Variants in SMYD3 observed in about 807,000 individuals in gnomAD.
The protein encoded by SMYD3 is histone-lysine N-methyltransferase SMYD3.
A neutral mutation model predicts 57.7 loss-of-function variants in SMYD3; 36 were observed. The ratio of observed to expected loss-of-function variants is 0.62; its 90% CI spans 0.48 to 0.82. The LOEUF (loss-of-function observed/expected upper bound fraction) is 0.82. Among genes scored for constraint, SMYD3 ranks in the 40% least tolerant of loss-of-function variants. The pLI is 0.00. For missense variants in SMYD3, 515 were observed against 538.8 expected, an observed-to-expected ratio of 0.96 and a Z score of 0.44; for synonymous variants, 211 against 195.0, an observed-to-expected ratio of 1.08 and a Z score of -0.68.
chr1:246,384,791 G>A (rs2066448291), intron 1 of SMYD3, among the ~76,000 whole-genome samples: 1 of 152,092 alleles, frequency 6.6e-6, no homozygotes, highest in South Asian at 2.1e-4. Flanking sequence ...ATTATAATGG[G>A]AAACATACTG....
At chr1:245,897,230 C>A (rs2053879247) in intron 8 of SMYD3, among the ~76,000 whole-genome samples, 1 of 152,192 alleles carries the variant, frequency 6.6e-6, no homozygotes, top group African/African-American at 2.4e-5. Context: ...GAAAGTATCC[C>A]TAGCACCTGA....
chr1:246,006,776 C>G lies in SMYD3; in HGVS notation c.532-76839G>C, dbSNP rs2059178613. Among the ~76,000 whole-genome samples the G allele has an allele frequency of 2.0e-5, 3 of 152,088 alleles. No individual in the cohort carries two copies. In the South Asian group the frequency reaches 6.3e-4, roughly 32 times the overall value. On this transcript the variant is annotated intron_variant, in intron 5 of 11. Transcript: ENST00000490107. ...CTCGGAAGGAGCCCTCCACGCAGAC[C>G]CCACAGCTATATTAACTGTGCTTAA...
chr1:246,325,299 G>C (rs1181284682), intron 5 of SMYD3, among the ~76,000 whole-genome samples: 11 of 106,554 alleles, frequency 1.0e-4, no homozygotes, highest in East Asian at 3.3e-4. Context: ...AGAAGGAGTT[G>C]GGGGGGCGGG....
intron 2 of SMYD3, among the ~76,000 whole-genome samples, chr1:246,338,061 G>A (rs1460466135): frequency 6.6e-6 from 1 of 151,960 alleles, no homozygotes; most frequent in Non-Finnish European, 1.5e-5. Context: ...TTTCTCATTT[G>A]CTTCAGCAAA....
chr1:246,156,313 C>G (rs2062022782), intron 5 of SMYD3, among the ~76,000 whole-genome samples: 2 of 151,982 alleles, frequency 1.3e-5, no homozygotes, highest in African/African-American at 4.8e-5. Flanking sequence ...AAATCCTGCC[C>G]CTGGGATGTT....
intron 5 of SMYD3, among the ~76,000 whole-genome samples, chr1:246,204,215 C>T (rs2062962584): frequency 6.6e-6 from 1 of 152,112 alleles, no homozygotes. Context: ...ATCTATTTTT[C>T]CCCTATTTTT....
chr1:245,992,607 G>A (rs113311338), intron 5 of SMYD3, among the ~76,000 whole-genome samples: 6 of 53,218 alleles, frequency 1.1e-4, no homozygotes, highest in Admixed American at 3.8e-4. Flanking sequence ...GGCCTGGAGT[G>A]GTCATGGATC....
At chr1:246,279,339 G>T (rs1222023182) in intron 5 of SMYD3, among the ~76,000 whole-genome samples, 3 of 152,092 alleles carry the variant, frequency 2.0e-5, no homozygotes, top group Non-Finnish European at 4.4e-5. Flanking sequence ...TGGCCAACAT[G>T]GCGAAACCCC....
intron 10 of SMYD3, among the ~76,000 whole-genome samples, chr1:245,798,884 G>A (rs776343125): frequency 3.9e-5 from 6 of 151,928 alleles, no homozygotes; most frequent in Non-Finnish European, 8.8e-5. Flanking sequence ...CCTTGCTCAG[G>A]CCCCTCAGAC....
chr1:246,314,824 A>T (rs2065131441), intron 5 of SMYD3, among the ~76,000 whole-genome samples: 1 of 152,236 alleles, frequency 6.6e-6, no homozygotes, highest in South Asian at 2.1e-4. Context: ...TCTAGTTTCA[A>T]ATGTCGAACG....
At chr1:246,410,914 G>A (rs538864716) in intron 1 of SMYD3, among the ~76,000 whole-genome samples, 32 of 152,280 alleles carry the variant, frequency 2.1e-4, no homozygotes, top group East Asian at 1.5e-3. Flanking sequence ...TGTATGTGTC[G>A]AGCAATTTAT....
intron 5 of SMYD3, among the ~76,000 whole-genome samples, chr1:246,228,783 T>A (rs2063368288): frequency 6.6e-6 from 1 of 151,974 alleles, no homozygotes; most frequent in Admixed American, 6.6e-5. Flanking sequence ...TAAACCTCCA[T>A]CATCTAAATA....
chr1:245,855,707 A>G (rs1007236969), intron 10 of SMYD3, among the ~76,000 whole-genome samples: 1 of 152,214 alleles, frequency 6.6e-6, no homozygotes, highest in African/African-American at 2.4e-5. Context: ...CGTCATAAAA[A>G]CTGAGTAAAA....
intron 1 of SMYD3, among the ~76,000 whole-genome samples, chr1:246,466,318 A>G (rs1228442713): frequency 6.6e-6 from 1 of 152,232 alleles, no homozygotes; most frequent in East Asian, 1.9e-4. Flanking sequence ...AAATGTACCT[A>G]TACACCATGG....
At chr1:246,230,706 C>G (rs374441681) in intron 5 of SMYD3, among the ~76,000 whole-genome samples, 16 of 152,238 alleles carry the variant, frequency 1.1e-4, no homozygotes, top group South Asian at 6.2e-4. Context: ...CAGAGCAGAA[C>G]TGTCCTATAG....
At position 246,192,533 on chromosome 1, in the gene SMYD3, G is replaced by A. The variant is rs184695342; in HGVS notation, c.531+134668C>T. Among the ~76,000 whole-genome samples, 4 of 152,272 alleles carry A rather than the reference G, an allele frequency of 2.6e-5. No individual in the cohort carries two copies. In the East Asian group the frequency reaches 5.8e-4, roughly 22 times the overall value. ...AGCCTCCCAAAGTGCTGGAATTACA[G>A]GCGTGAGCCACTGTGCCTAACCTAT... On this transcript the variant is annotated intron_variant, in intron 5 of 11. Coordinates refer to ENST00000490107, the MANE Select transcript of SMYD3 (RefSeq NM_001167740.2).
At chr1:245,873,751 A>T (rs2052345713) in intron 8 of SMYD3, among the ~76,000 whole-genome samples, 1 of 152,194 alleles carries the variant, frequency 6.6e-6, no homozygotes, top group Non-Finnish European at 1.5e-5. Flanking sequence ...GCCACTCCAG[A>T]GACATTCAGA....
intron 5 of SMYD3, among the ~76,000 whole-genome samples, chr1:246,035,786 TAAAAG>T (rs918843807): frequency 3.3e-5 from 5 of 152,144 alleles, no homozygotes; most frequent in Non-Finnish European, 7.4e-5. Flanking sequence ...AAAAAAATAA[TAAAAG>T]AGAGAGACTT....
At chr1:245,776,318 G>C (rs903262593) in intron 10 of SMYD3, among the ~76,000 whole-genome samples, 1 of 152,054 alleles carries the variant, frequency 6.6e-6, no homozygotes, top group Non-Finnish European at 1.5e-5. Context: ...GGGATTTAAC[G>C]ATCTCAAAGA....
Sources: gnomAD v4.1 joint callset for allele counts (sites outside exome capture counted in the v4.1 genomes callset) on GRCh38, gnomAD v4.1.1 for gene constraint, MANE v1.5 for transcripts, NCBI Gene and HGNC (gene_info 2026-07-23, HGNC 2026-07-21) for gene names.